DTNA: variants seen among roughly 807,000 people sequenced by gnomAD.
DTNA encodes the protein dystrophin-related protein 3.
Under a neutral mutation model 100.7 loss-of-function variants are expected in DTNA, and 43 were observed. That is an observed-to-expected ratio of 0.43 (90% CI 0.33 to 0.55). DTNA has a LOEUF of 0.55. Among genes scored for constraint, DTNA ranks in the 20% least tolerant of loss-of-function variants. DTNA has a pLI of 0.04. For synonymous variants in DTNA, 349 were observed against 347.9 expected (o/e 1.00, Z -0.04); for missense variants, 798 against 953.9 (o/e 0.84, Z 2.15).
rs1248123261 is a variant in DTNA at position 34,662,069 on chromosome 18, G to A, written c.-1-93907G>A. Among the ~76,000 whole-genome samples, 7 of 151,150 alleles carry A rather than the reference G, an allele frequency of 4.6e-5. No individual in the cohort carries two copies. The East Asian group carries it at 5.8e-4, about 13-fold the overall frequency. On this transcript the variant is annotated intron_variant, in intron 1 of 19. Transcript: ENST00000283365. ...TATCACTCTCTATTTTTCTAACACC[G>A]AGATTAAATGTAAGCTGTTACTTAT...
At chr18:34,653,989 T>C (rs535953852) in intron 1 of DTNA, among the ~76,000 whole-genome samples, 5 of 152,240 alleles carry the variant, frequency 3.3e-5, no homozygotes, top group East Asian at 1.9e-4. Flanking sequence ...GAGTTTTTCT[T>C]GTCAGCCATT....
chr18:34,779,086 G>A (rs559014096), intron 3 of DTNA, among the ~76,000 whole-genome samples: 5 of 152,050 alleles, frequency 3.3e-5, no homozygotes, highest in Non-Finnish European at 5.9e-5. Flanking sequence ...CCCTCCATGT[G>A]CCAGGTGCTC....
intron 1 of DTNA, among the ~76,000 whole-genome samples, chr18:34,528,998 A>G (rs57901126): frequency 0.015 from 2,337 of 152,158 alleles, 61 homozygotes; most frequent in African/African-American, 0.054. Flanking sequence ...ATAGCCATTG[A>G]TATGTAGGTG....
At chr18:34,495,585 G>A (rs2039103344) in intron 1 of DTNA, among the ~76,000 whole-genome samples, 1 of 152,160 alleles carries the variant, frequency 6.6e-6, no homozygotes, top group Non-Finnish European at 1.5e-5. Flanking sequence ...CACTCACTCT[G>A]GCGAGAGTTG....
chr18:34,616,783 T>G (rs2055377943), intron 1 of DTNA, among the ~76,000 whole-genome samples: 1 of 152,224 alleles, frequency 6.6e-6, no homozygotes, highest in Admixed American at 6.5e-5. Context: ...CAATCGTTTG[T>G]GTCATCTGTG....
rs531862119 is a variant in DTNA at position 34,816,098 on chromosome 18, T to C, written c.709+84T>C. On this transcript the variant is annotated intron_variant, in intron 7 of 22. Coordinates refer to ENST00000444659, the MANE Select transcript of DTNA (RefSeq NM_001386795.1). ...TTCTACAGTTAGTAAGCCCAGGCTG[T>C]TGTTTTAGGGAAGCCTATTTAGTGG... The C allele has an allele frequency of 8.3e-5, 115 of 1,386,498 alleles. No individual in the cohort carries two copies. In the African/African-American group the frequency reaches 1.5e-3, roughly 18 times the overall value. The allele number at this position is 1,386,498 out of a possible 1,614,324, so 85.9% of individuals were successfully genotyped here.
At chr18:34,864,812 AAGAG>A (rs971062139) in intron 17 of DTNA, among the ~76,000 whole-genome samples, 26 of 152,340 alleles carry the variant, frequency 1.7e-4, no homozygotes, top group Non-Finnish European at 2.4e-4. Context: ...CACAAACTCT[AAGAG>A]AGAATATCTC....
chr18:34,816,153 C>T (rs2095592039), intron 7 of DTNA, 139 bp downstream of exon 7: 1 of 808,296 alleles, frequency 1.2e-6, no homozygotes. Context: ...TAGAACTAAC[C>T]CATCTCCCTG....
At chr18:34,549,448 T>C (rs2045164969) in intron 1 of DTNA, among the ~76,000 whole-genome samples, 1 of 152,074 alleles carries the variant, frequency 6.6e-6, no homozygotes, top group Admixed American at 6.6e-5. Context: ...TCCATCCTTT[T>C]TAATGTTAAT....
chr18:34,784,110 G>A (rs1487390079), intron 3 of DTNA, among the ~76,000 whole-genome samples: 1 of 152,128 alleles, frequency 6.6e-6, no homozygotes, highest in Non-Finnish European at 1.5e-5. Context: ...ATTCAAACTC[G>A]ATAGTTTGAG....
At chr18:34,717,004 A>T (rs2084216542) in intron 1 of DTNA, among the ~76,000 whole-genome samples, 1 of 152,210 alleles carries the variant, frequency 6.6e-6, no homozygotes, top group Admixed American at 6.5e-5. Flanking sequence ...TTTGAAATTT[A>T]TTCTAAAGAA....
intron 1 of DTNA, among the ~76,000 whole-genome samples, chr18:34,523,761 ATTAATT>A (rs2042357225): frequency 6.6e-6 from 1 of 152,206 alleles, no homozygotes; most frequent in South Asian, 2.1e-4. Context: ...CTTTTATCAT[ATTAATT>A]TTAATTCGAA....
chr18:34,848,750 C>G (rs2096426760), intron 14 of DTNA, among the ~76,000 whole-genome samples: 1 of 152,062 alleles, frequency 6.6e-6, no homozygotes, highest in Admixed American at 6.6e-5. Flanking sequence ...AGAGTAGTTG[C>G]AAGTGACACT....
At position 34,800,228 on chromosome 18, in the gene DTNA, G is replaced by T. The variant is rs75619933; in HGVS notation, c.362+5978G>T. On this transcript the variant is annotated intron_variant, in intron 4 of 22. Transcript: ENST00000444659. ...TTGAACTGACATATGTAAAGAGCTT[G>T]CTATGTGGTAGGTGTTATGATAGGC... Among the ~76,000 whole-genome samples the T allele has an allele frequency of 1.6e-4, 25 of 152,312 alleles. No homozygotes were observed. In the East Asian group the frequency reaches 4.6e-3, roughly 28 times the overall value.
At chr18:34,783,181 G>T (rs2094397906) in intron 3 of DTNA, among the ~76,000 whole-genome samples, 1 of 151,980 alleles carries the variant, frequency 6.6e-6, no homozygotes, top group South Asian at 2.1e-4. Context: ...AAAATAATGG[G>T]CTTAATAAAT....
At chr18:34,527,327 C>T (rs1239190014) in intron 1 of DTNA, among the ~76,000 whole-genome samples, 2 of 151,960 alleles carry the variant, frequency 1.3e-5, no homozygotes, top group East Asian at 1.9e-4. Flanking sequence ...ATCGCCTGCT[C>T]GTCAAGAAAT....
chr18:34,798,990 A>T (rs1325163990), intron 4 of DTNA, among the ~76,000 whole-genome samples: 1 of 152,218 alleles, frequency 6.6e-6, no homozygotes, highest in Non-Finnish European at 1.5e-5. Context: ...AAAATTAATT[A>T]ACCTTTTTTC....
chr18:34,849,499 C>A (rs2096443142), intron 14 of DTNA, among the ~76,000 whole-genome samples: 1 of 152,162 alleles, frequency 6.6e-6, no homozygotes, highest in South Asian at 2.1e-4. Context: ...CATCTGTACA[C>A]AGGTGTAAAT....
chr18:34,834,397 G>A (rs1375822836), intron 11 of DTNA, among the ~76,000 whole-genome samples: 2 of 152,010 alleles, frequency 1.3e-5, no homozygotes, highest in Non-Finnish European at 2.9e-5. Context: ...CAGCTACTCA[G>A]GAGGCTGAGA....
Sources: allele counts gnomAD v4.1 joint callset (sites outside exome capture counted in the v4.1 genomes callset), GRCh38; gene constraint gnomAD v4.1.1; transcripts MANE v1.5; gene names NCBI Gene and HGNC (gene_info 2026-07-23, HGNC 2026-07-21).